Variants in SLC8A2 observed in about 807,000 individuals in gnomAD.
The protein encoded by SLC8A2 is sodium/calcium exchanger 2.
In SLC8A2, 14 loss-of-function variants were observed where a neutral mutation model predicts 70.2. The observed-to-expected ratio is 0.20, with a 90% CI of 0.13 to 0.31. The LOEUF is 0.31. Ranked by LOEUF, SLC8A2 falls within the 10% of genes least tolerant of loss-of-function variation. The pLI is 1.00. For missense variants in SLC8A2, 779 were observed against 1,320.1 expected, an observed-to-expected ratio of 0.59 and a Z score of 6.35; for synonymous variants, 575 against 594.3, an observed-to-expected ratio of 0.97 and a Z score of 0.47.
At position 47,428,070 on chromosome 19, in the gene SLC8A2, C is replaced by T. The variant is rs1568437023; in HGVS notation, c.*2019G>A. ...TTAGGAAACCCCATCAACCCCAGCT[C>T]TTTGGCTCAGGCAAATGAACGTCTC... is the stretch of plus-strand genomic sequence containing the variant. On this transcript the variant is annotated 3_prime_UTR_variant, in exon 10 of 10. Coordinates refer to ENST00000236877, the MANE Select transcript of SLC8A2 (RefSeq NM_015063.3). 6.6e-6 allele frequency: 1 copy of T among 152,388 alleles called. No homozygotes were observed. Among genetic ancestry groups the T allele is most frequent in the East Asian group, 1.9e-4 (1 of 5,190 alleles). 9.4% of individuals were successfully genotyped at this position (152,388 alleles called of 1,614,324 possible). A position where few individuals can be genotyped will look rare whatever the true frequency, so the allele number is the denominator to read the frequency against.
intron 4 of SLC8A2, among the ~76,000 whole-genome samples, chr19:47,441,672 C>T (rs1007744879): frequency 2.0e-5 from 3 of 152,146 alleles, no homozygotes; most frequent in African/African-American, 4.8e-5. Flanking sequence ...TAAAGTAAAG[C>T]ATTCTGGGTG....
rs1381656216 is a variant in SLC8A2, at chr19:47,430,537, C to T, written c.2390-72G>A. The T allele has an allele frequency of 1.4e-6, 2 of 1,437,596 alleles. No homozygotes were observed. The highest frequency in any genetic ancestry group is 1.4e-5 in the African/African-American group (1 of 70,154). 89.1% of individuals were successfully genotyped at this position (1,437,596 alleles called of 1,614,324 possible). A position where few individuals can be genotyped will look rare whatever the true frequency, so the allele number is the denominator to read the frequency against. ...CACAGGGGCGGGCATCCGCCTGCCC[C>T]CTCCCAGCCTTTCCCGGTCGCCTGC... On this transcript the variant is annotated intron_variant, in intron 9 of 9. Transcript: ENST00000236877. This position sits in a 1 kb window ranked among gnomAD's most constrained non-coding sequence, Gnocchi z 5.9.
chr19:47,442,840 T>G (rs753434196), intron 4 of SLC8A2, among the ~76,000 whole-genome samples: 1 of 152,044 alleles, frequency 6.6e-6, no homozygotes, highest in Non-Finnish European at 1.5e-5. Flanking sequence ...TACACTACCA[T>G]GCTCAGTTAA....
chr19:47,470,931 G>C, intron 1 of SLC8A2, among the ~76,000 whole-genome samples: 1 of 152,112 alleles, frequency 6.6e-6, no homozygotes, highest in Admixed American at 6.5e-5. Context: ...GGAGTTTAGA[G>C]GACTCCAGGC....
At position 47,432,997 on chromosome 19, in the gene SLC8A2, T is replaced by C. The variant is rs1027212051; in HGVS notation, c.2111-552A>G. Among the ~76,000 whole-genome samples the C allele has an allele frequency of 1.3e-5, 2 of 151,770 alleles. No homozygotes were observed. The highest frequency in any genetic ancestry group is 4.2e-4 in the South Asian group (2 of 4,818). On this transcript the variant is annotated intron_variant, in intron 8 of 9. Coordinates refer to ENST00000236877, the MANE Select transcript of SLC8A2 (RefSeq NM_015063.3). This position sits in a 1 kb window ranked among gnomAD's most constrained non-coding sequence, Gnocchi z 6.2. ...AGCATGAATGGACCCAGGTGAAAAA[T>C]ATTTAGTTTCCCGGAACTGCTTGCA... is the stretch of plus-strand genomic sequence containing the variant.
chr19:47,465,586 C>T lies in SLC8A2; in HGVS notation c.675+143G>A. The T allele has an allele frequency of 1.3e-6, 1 of 741,636 alleles. No individual in the cohort carries two copies. The highest frequency in any genetic ancestry group is 1.8e-5 in the African/African-American group (1 of 56,576). The allele number at this position is 741,636 out of a possible 1,614,324, so 45.9% of individuals were successfully genotyped here. On this transcript the variant is annotated intron_variant, in intron 2 of 9. Transcript: ENST00000236877. The surrounding 1 kb of genome is among the most constrained non-coding windows in gnomAD (Gnocchi z 5.5). ...TCAATTCCCTTGTGTAGTCTGGTGA[C>T]CTGCACAACCGTACTTGGCAGCCCT... is the stretch of plus-strand genomic sequence containing the variant.
At position 47,466,980 on chromosome 19, in the gene SLC8A2, C is replaced by G. The variant is rs1328114627; in HGVS notation, c.-16-561G>C. On this transcript the variant is annotated intron_variant, in intron 1 of 9. Transcript: ENST00000236877. This position sits in a 1 kb window ranked among gnomAD's most constrained non-coding sequence, Gnocchi z 6.9. The stretch of plus-strand genomic sequence containing the variant: ...GCTGAGGCAGGAGAATCACTTGAAC[C>G]TGGGAGGCGGAGGTTGCAGTGAGCT... Among the ~76,000 whole-genome samples the G allele has an allele frequency of 6.6e-6, 1 of 152,146 alleles. No homozygotes were observed. Among genetic ancestry groups the G allele is most frequent in the Admixed American group, 6.6e-5 (1 of 15,266 alleles).
intron 2 of SLC8A2, among the ~76,000 whole-genome samples, chr19:47,462,586 C>CTTTT (rs542630404): frequency 8.5e-6 from 1 of 117,422 alleles, no homozygotes; most frequent in Admixed American, 9.0e-5. Context: ...TTTTAAATTT[C>CTTTT]TTTTTTTTTT....
At position 47,441,377 on chromosome 19, in the gene SLC8A2, A is replaced by C; in HGVS notation, c.1827T>G (p.Ile609Met). 1 of 1,613,992 alleles carries C rather than the reference A, an allele frequency of 6.2e-7. No homozygotes were observed. The highest frequency in any genetic ancestry group is 8.5e-7 in the Non-Finnish European group (1 of 1,179,886). The change falls in exon 5 of 10, where the codon ATT becomes ATG. Residue 609 changes from isoleucine (I) to methionine (M), a missense_variant. This residue lies in a region of SLC8A2 where 247 missense variants were observed against 362.8 expected (regional missense o/e 0.68). Transcript: ENST00000236877. ...TAAGCCACTGGGGCTGGCCCAGCTC[A>C]ATGAAGAAATTATCCTTTTTCTCAT... ...EEYEKKDNFF[I>M]ELGQPQWLKR...
At chr19:47,457,650 C>G (rs896951907) in intron 2 of SLC8A2, 56 bp from the exon 3 acceptor site, 2 of 1,223,312 alleles carry the variant, frequency 1.6e-6, no homozygotes, top group Non-Finnish European at 2.2e-6. Context: ...CCCTCCCCGC[C>G]TCTCTGTCTC....
intron 6 of SLC8A2, among the ~76,000 whole-genome samples, chr19:47,438,444 G>T (rs1967058985): frequency 6.6e-6 from 1 of 151,988 alleles, no homozygotes; most frequent in African/African-American, 2.4e-5. Context: ...GGGAGGCCTG[G>T]TCTCTACATC....
intron 6 of SLC8A2, among the ~76,000 whole-genome samples, chr19:47,439,026 G>T (rs545359137): frequency 1.4e-4 from 22 of 152,244 alleles, no homozygotes; most frequent in Admixed American, 1.3e-3. Context: ...CTGAGTTATG[G>T]ACACTAGAAT....
Position 47,432,704 on chromosome 19 carries a change from G to A in SLC8A2, c.2111-259C>T. On this transcript the variant is annotated intron_variant, in intron 8 of 9. Transcript: ENST00000236877. The surrounding 1 kb of genome is among the most constrained non-coding windows in gnomAD (Gnocchi z 6.2). The stretch of plus-strand genomic sequence containing the variant: ...TTTGGATCTAAATATGGCTAAGTCA[G>A]CAGTAAAAACAGTTACTTCCATAGA... 4.7e-6 allele frequency: 2 copies of A among 422,820 alleles called. No individual in the cohort carries two copies. The highest frequency in any genetic ancestry group is 8.3e-6 in the Non-Finnish European group (2 of 240,234). 26.2% of individuals were successfully genotyped at this position (422,820 alleles called of 1,614,324 possible). A position where few individuals can be genotyped will look rare whatever the true frequency, so the allele number is the denominator to read the frequency against.
chr19:47,463,786 T>A (rs1164976866), intron 2 of SLC8A2, among the ~76,000 whole-genome samples: 1 of 152,124 alleles, frequency 6.6e-6, no homozygotes, highest in Non-Finnish European at 1.5e-5. Context: ...TGTTAATGAA[T>A]AGCTAACATT....
In SLC8A2 at chr19:47,437,457, C is replaced by CT; in HGVS notation, c.2110+4dup. 1 of 1,581,780 alleles carries CT rather than the reference C, an allele frequency of 6.3e-7. No individual in the cohort carries two copies. Among genetic ancestry groups the CT allele is most frequent in the Non-Finnish European group, 8.7e-7 (1 of 1,150,560 alleles). ...CTCTCTTCTCTCTCCTCCCTCCCCACTTACCTGCGCTCACCGTAATTGCCT... is the reference window on the plus strand; with the variant it reads ...CTCTCTTCTCTCTCCTCCCTCCCCACTTTACCTGCGCTCACCGTAATTGCCT... On this transcript the variant is annotated splice_donor_region_variant and intron_variant, in intron 8 of 9. Transcript: ENST00000236877.
chr19:47,437,884 G>A lies in SLC8A2; in HGVS notation c.1975C>T (p.Leu659=), dbSNP rs2122617709. The A allele has an allele frequency of 1.2e-6, 2 of 1,614,054 alleles. No individual in the cohort carries two copies. Among genetic ancestry groups the A allele is most frequent in the Non-Finnish European group, 8.5e-7 (1 of 1,179,980 alleles). ...GKPVLGENCR[L]EVIIEESYDF... Reference sequence around the variant, plus strand: ...TATGACTCCTCGATGATGACCTCCAGCCGGCAGTTCTCCCCAAGAACTGGC... The same window carrying A: ...TATGACTCCTCGATGATGACCTCCAACCGGCAGTTCTCCCCAAGAACTGGC... The change falls in exon 7 of 10, where the codon CTG becomes TTG. Residue 659 remains leucine (L), a synonymous_variant. Coordinates refer to ENST00000236877, the MANE Select transcript of SLC8A2 (RefSeq NM_015063.3).
chr19:47,450,732 G>A (rs1274970856), intron 3 of SLC8A2, among the ~76,000 whole-genome samples: 1 of 152,102 alleles, frequency 6.6e-6, no homozygotes, highest in Non-Finnish European at 1.5e-5. Flanking sequence ...GCCCAGTTTG[G>A]CCACCATGCC....
intron 8 of SLC8A2, among the ~76,000 whole-genome samples, chr19:47,436,833 A>G (rs1430293616): frequency 6.6e-6 from 1 of 152,072 alleles, no homozygotes; most frequent in Non-Finnish European, 1.5e-5. Context: ...GGCCTGTCTG[A>G]GGCCAAGGAG....
rs1008061739 is a variant in SLC8A2 at position 47,457,138 on chromosome 19, T to G, written c.1132A>C (p.Arg378=). Residue 378 remains arginine, a synonymous_variant, in exon 3 of 10, where the codon AGG becomes CGG. Coordinates refer to ENST00000236877, the MANE Select transcript of SLC8A2 (RefSeq NM_015063.3). The stretch of plus-strand genomic sequence containing the variant: ...CCCGCGCCCTCGGCCGGCGCCGCCC[T>G]GCGCGAGGCGTCCGCCGCGTGTCTG... The part of the protein sequence containing the change: ...LRRHAADASR[R]AAPAEGAGED... 81 of 1,542,114 alleles carry G rather than the reference T, an allele frequency of 5.3e-5. No homozygotes were observed. Among genetic ancestry groups the G allele is most frequent in the Non-Finnish European group, 6.6e-5 (75 of 1,144,204 alleles).
Sources: allele counts gnomAD v4.1 joint callset (sites outside exome capture counted in the v4.1 genomes callset), GRCh38; gene constraint gnomAD v4.1.1; regional missense constraint gnomAD v4.1.1; non-coding constraint Gnocchi (gnomAD v3.1); transcripts MANE v1.5; gene names NCBI Gene and HGNC (gene_info 2026-07-23, HGNC 2026-07-21).